MLIP: variants seen among roughly 807,000 people sequenced by gnomAD.
MLIP encodes the protein muscular LMNA-interacting protein.
A neutral mutation model predicts 84.8 loss-of-function variants in MLIP; 79 were observed. The ratio of observed to expected loss-of-function variants is 0.93; its 90% CI spans 0.78 to 1.12. The LOEUF (loss-of-function observed/expected upper bound fraction) is 1.12, where lower values mean the gene tolerates loss of function less well. Among genes scored for constraint, MLIP ranks in the 50% most tolerant of loss-of-function variants. The pLI, the probability that MLIP is intolerant of heterozygous loss-of-function variation, is 0.00. For synonymous variants in MLIP, 504 were observed against 463.0 expected (o/e 1.09, Z -1.14); for missense variants, 1,257 against 1,160.6 (o/e 1.08, Z -1.21).
Position 54,160,503 on chromosome 6 carries a change from T to C in MLIP, c.2356-13T>C, listed in dbSNP as rs753349648. Reference sequence around the variant, plus strand: ...CTTATTGCTAACCCAGTACCTGGTTTCAATTCTTCCAGCTCTATTTTCCTG... The same window carrying C: ...CTTATTGCTAACCCAGTACCTGGTTCCAATTCTTCCAGCTCTATTTTCCTG... On this transcript the variant is annotated splice_polypyrimidine_tract_variant and intron_variant, in intron 6 of 13. Coordinates refer to ENST00000502396, the MANE Select transcript of MLIP (RefSeq NM_001281747.2). 1.2e-6 allele frequency: 2 copies of C among 1,612,090 alleles called. No homozygotes were observed. Among genetic ancestry groups the C allele is most frequent in the Non-Finnish European group, 8.5e-7 (1 of 1,178,972 alleles).
At chr6:54,221,066 G>A (rs1325943293) in intron 11 of MLIP, among the ~76,000 whole-genome samples, 3 of 152,016 alleles carry the variant, frequency 2.0e-5, no homozygotes, top group African/African-American at 4.8e-5. Flanking sequence ...ACTTCAAGAC[G>A]CATTAGAAAT....
intron 1 of MLIP, among the ~76,000 whole-genome samples, chr6:54,019,420 A>T (rs192783997): frequency 1.3e-5 from 2 of 152,310 alleles, no homozygotes; most frequent in East Asian, 3.9e-4. Context: ...TGCGAAGCTT[A>T]GCGAGTGTTC....
At chr6:54,147,265 G>T (rs1772949135) in intron 4 of MLIP, among the ~76,000 whole-genome samples, 1 of 152,184 alleles carries the variant, frequency 6.6e-6, no homozygotes, top group African/African-American at 2.4e-5. Flanking sequence ...TCTTGGACAA[G>T]TCATTTGACC....
At chr6:54,220,776 C>T (rs762051738) in intron 11 of MLIP, among the ~76,000 whole-genome samples, 10 of 152,076 alleles carry the variant, frequency 6.6e-5, no homozygotes, top group Non-Finnish European at 1.0e-4. Context: ...AAAATTTGTT[C>T]TCTAAAGTAA....
intron 13 of MLIP, among the ~76,000 whole-genome samples, chr6:54,259,000 ATTCT>A (rs1783206797): frequency 6.7e-6 from 1 of 148,628 alleles, no homozygotes; most frequent in Admixed American, 6.7e-5. Context: ...ATATGATCTA[ATTCT>A]TTCTCTTTTA....
intron 12 of MLIP, among the ~76,000 whole-genome samples, chr6:54,254,129 G>GT (rs68110508): frequency 0.04 from 5,120 of 129,488 alleles, 224 homozygotes; most frequent in African/African-American, 0.11. Flanking sequence ...TTTTTTTGCT[G>GT]TTTTTTTTTT....
chr6:54,083,637 A>G, intron 1 of MLIP: 1 of 1,535,758 alleles, frequency 6.5e-7, no homozygotes, highest in Non-Finnish European at 8.7e-7. Context: ...TGACATTATT[A>G]GTACAATTCC....
chr6:54,037,050 A>G (rs754448198), intron 1 of MLIP, among the ~76,000 whole-genome samples: 1 of 151,982 alleles, frequency 6.6e-6, no homozygotes. Context: ...ATATTTATGA[A>G]TCTTGTCCTT....
At chr6:54,109,909 T>TTTTCTTTC (rs796941191), upstream of MLIP, among the ~76,000 whole-genome samples, 824 of 112,504 alleles carry the variant, frequency 7.3e-3, 12 homozygotes, top group African/African-American at 0.025. Flanking sequence ...CTTTCTTTCT[T>TTTTCTTTC]TTTCTTTCTT....
chr6:54,070,399 C>T (rs1766415043), intron 1 of MLIP, among the ~76,000 whole-genome samples: 1 of 152,152 alleles, frequency 6.6e-6, no homozygotes, highest in Admixed American at 6.6e-5. Flanking sequence ...CATGGATTCT[C>T]TGCTTACATT....
intron 1 of MLIP, among the ~76,000 whole-genome samples, chr6:54,023,027 C>T (rs960730567): frequency 4.6e-5 from 7 of 151,888 alleles, no homozygotes; most frequent in African/African-American, 1.7e-4. Context: ...ATTAGCCGGG[C>T]GTGGTGGCAG....
intron 1 of MLIP, among the ~76,000 whole-genome samples, chr6:54,043,095 T>A (rs866425419): frequency 1.3e-5 from 2 of 152,150 alleles, no homozygotes; most frequent in Non-Finnish European, 2.9e-5. Context: ...CAGCACCTCA[T>A]GACACTCCTA....
chr6:54,118,120 G>A (rs139538524), intron 1 of MLIP, among the ~76,000 whole-genome samples: 1 of 152,160 alleles, frequency 6.6e-6, no homozygotes, highest in Non-Finnish European at 1.5e-5. Flanking sequence ...CAGATTCAAC[G>A]CAACTCCTAT....
chr6:54,202,150 T>G lies in MLIP; in HGVS notation c.2635T>G (p.Leu879Val). The G allele has an allele frequency of 6.2e-7, 1 of 1,603,510 alleles. No homozygotes were observed. Among genetic ancestry groups the G allele is most frequent in the Non-Finnish European group, 8.5e-7 (1 of 1,173,922 alleles). Residue 879 changes from leucine (L) to valine (V), a missense_variant, in exon 11 of 14, where the codon TTA (leucine) becomes GTA (valine). Leu to Val is a conservative substitution (Grantham distance 32). Transcript: ENST00000502396. The stretch of plus-strand genomic sequence containing the variant: ...CCCAGTACCTGTAAAATCCAGAATA[T>G]TACTGAAAAAAGAGGAGGAAGTCTA... ...IRPVPVKSRI[L>V]LKKEEEVYEP...
At chr6:54,050,145 T>C (rs1039718749) in intron 1 of MLIP, among the ~76,000 whole-genome samples, 1 of 152,124 alleles carries the variant, frequency 6.6e-6, no homozygotes, top group African/African-American at 2.4e-5. Flanking sequence ...CTATTTAAAT[T>C]CACTTCCCCT....
intron 8 of MLIP, among the ~76,000 whole-genome samples, chr6:54,167,588 A>G (rs1775323331): frequency 6.6e-6 from 1 of 151,778 alleles, no homozygotes; most frequent in Admixed American, 6.6e-5. Flanking sequence ...GCTCATCCTC[A>G]TTCACATTGT....
intron 12 of MLIP, among the ~76,000 whole-genome samples, chr6:54,251,955 A>G (rs1371220537): frequency 1.3e-5 from 1 of 76,354 alleles, no homozygotes; most frequent in African/African-American, 6.9e-5. Context: ...TATATAATAT[A>G]AATATATATA....
chr6:54,174,718 G>C (rs899874724), intron 9 of MLIP, among the ~76,000 whole-genome samples: 12 of 151,758 alleles, frequency 7.9e-5, no homozygotes, highest in African/African-American at 2.9e-4. Flanking sequence ...TTTATTGATT[G>C]TTTCCTTTGC....
At chr6:54,096,097 A>G (rs1197448794) in intron 1 of MLIP, among the ~76,000 whole-genome samples, 1 of 152,206 alleles carries the variant, frequency 6.6e-6, no homozygotes, top group Non-Finnish European at 1.5e-5. Flanking sequence ...AAATGTTTTG[A>G]AAAGATTTGT....
Sources: allele counts gnomAD v4.1 joint callset (sites outside exome capture counted in the v4.1 genomes callset), GRCh38; gene constraint gnomAD v4.1.1; transcripts MANE v1.5; gene names NCBI Gene and HGNC (gene_info 2026-07-23, HGNC 2026-07-21).